Variants in INTS6 observed in about 807,000 individuals in gnomAD.
INTS6 encodes DEAD box protein.
A neutral mutation model predicts 104.9 loss-of-function variants in INTS6; 16 were observed. The observed-to-expected ratio is 0.15, with a 90% confidence interval of 0.10 to 0.23. INTS6 has a LOEUF of 0.23. INTS6 is among the 10% of genes least tolerant of loss of function. INTS6 has a pLI of 1.00. For missense variants in INTS6, 584 were observed against 1,062.8 expected, an observed-to-expected ratio of 0.55 and a Z score of 6.26; for synonymous variants, 324 against 358.7, an observed-to-expected ratio of 0.90 and a Z score of 1.09.
intron 4 of INTS6, chr13:51,422,876 C>A: frequency 3.1e-6 from 1 of 324,564 alleles, no homozygotes; most frequent in Non-Finnish European, 5.8e-6. Context: ...AGTCTTCATG[C>A]TTTTGCATAC....
chr13:51,374,629 A>G (rs1955880586), intron 14 of INTS6, 25 bp downstream of exon 14: 3 of 1,610,694 alleles, frequency 1.9e-6, no homozygotes, highest in Admixed American at 1.7e-5. Flanking sequence ...TAAACAAATT[A>G]CATAATAGAA....
Position 51,364,143 on chromosome 13 carries a change from T to G in INTS6, c.*1609A>C. Reference sequence around the variant, plus strand: ...CAATTCCATCTATTAAATGTTATCTTGCATTACTTAAAAGTATTTGTATAG... The same window carrying G: ...CAATTCCATCTATTAAATGTTATCTGGCATTACTTAAAAGTATTTGTATAG... On this transcript the variant is annotated 3_prime_UTR_variant, in exon 18 of 18. Coordinates refer to ENST00000311234, the MANE Select transcript of INTS6 (RefSeq NM_012141.3). The G allele has an allele frequency of 1.9e-6, 1 of 540,406 alleles. No individual in the cohort carries two copies. The highest frequency in any genetic ancestry group is 4.8e-4 in the Middle Eastern group (1 of 2,100). 33.5% of individuals were successfully genotyped at this position (540,406 alleles called of 1,614,324 possible).
At chr13:51,446,582 A>G (rs749009304) in intron 3 of INTS6, 9 of 152,202 alleles carry the variant, frequency 5.9e-5, no homozygotes, top group Non-Finnish European at 1.3e-4. Context: ...TGGAAGCAGG[A>G]TCTCAAAAAG....
In INTS6 at chr13:51,374,345, C is replaced by G; in HGVS notation, c.1967G>C (p.Arg656Thr). 1 of 1,614,094 alleles carries G rather than the reference C, an allele frequency of 6.2e-7. No individual in the cohort carries two copies. The highest frequency in any genetic ancestry group is 8.5e-7 in the Non-Finnish European group (1 of 1,179,982). ...GEPNMQGIPK[R>T]RRCMSPLLRG... ...TAGTAGTGGAGACATACACCGACGT[C>G]TTTTAGGGATCCCTTGCATATTTGG... The change falls in exon 15 of 18, where the codon AGA becomes ACA. Residue 656 changes from arginine to threonine, a missense_variant. Coordinates refer to ENST00000311234, the MANE Select transcript of INTS6 (RefSeq NM_012141.3).
chr13:51,373,096 A>G (rs1955844928), intron 15 of INTS6, among the ~76,000 whole-genome samples: 1 of 152,020 alleles, frequency 6.6e-6, no homozygotes, highest in African/African-American at 2.4e-5. Context: ...TGTCCTGTAG[A>G]GTTTTCTACA....
chr13:51,438,623 G>C (rs1012852166), intron 3 of INTS6: 1 of 152,126 alleles, frequency 6.6e-6, no homozygotes, highest in Non-Finnish European at 1.5e-5. Flanking sequence ...TTAAAATAAA[G>C]ACCTTCTATT....
At chr13:51,423,327 GGTGT>G (rs149373052) in intron 4 of INTS6, among the ~76,000 whole-genome samples, 7 of 150,712 alleles carry the variant, frequency 4.6e-5, no homozygotes, top group African/African-American at 1.7e-4. Flanking sequence ...TAAGGTAGGG[GGTGT>G]GTGTGTGTGT....
At chr13:51,398,134 T>G (rs1329365128) in intron 4 of INTS6, among the ~76,000 whole-genome samples, 1 of 151,944 alleles carries the variant, frequency 6.6e-6, no homozygotes, top group Non-Finnish European at 1.5e-5. Context: ...AATGAATTAG[T>G]AAAATAAGGA....
Position 51,452,050 on chromosome 13 carries a change from A to C in INTS6, c.117T>G (p.Arg39=), listed in dbSNP as rs773456378. 4.3e-6 allele frequency: 7 copies of C among 1,609,292 alleles called. 1 individual carries two copies. In the South Asian group the frequency reaches 6.6e-5, roughly 15 times the overall value. Residue 39 remains arginine (R), a synonymous_variant, in exon 2 of 18, where the codon CGT becomes CGG. Transcript: ENST00000311234. The surrounding 1 kb of genome is among the most constrained non-coding windows in gnomAD (Gnocchi z 4.2). ...CTCCTCTGCTGGCAGGGTCCCGGGC[A>C]CGGAGCTGCGGGACGGGAGGAGGAA... The part of the protein sequence containing the change: ...KGAVETFMKL[R]ARDPASRGDR...
At chr13:51,396,348 T>C (rs1433213429) in intron 4 of INTS6, among the ~76,000 whole-genome samples, 1 of 152,182 alleles carries the variant, frequency 6.6e-6, no homozygotes, top group African/African-American at 2.4e-5. Flanking sequence ...TAGAGAGGTT[T>C]GGGGGTTTTT....
intron 15 of INTS6, among the ~76,000 whole-genome samples, chr13:51,371,950 G>A (rs777292273): frequency 6.6e-6 from 1 of 152,020 alleles, no homozygotes; most frequent in South Asian, 2.1e-4. Flanking sequence ...TCCCTCTTGC[G>A]TTCTCAGTAA....
chr13:51,401,165 C>T (rs957268439), intron 4 of INTS6, among the ~76,000 whole-genome samples: 1 of 151,728 alleles, frequency 6.6e-6, no homozygotes, highest in Non-Finnish European at 1.5e-5. Context: ...TTGTAAGGAC[C>T]CCTAACAAAG....
rs1956584615 is a variant in INTS6 at position 51,407,122 on chromosome 13, G to A, written c.430-11639C>T. Among the ~76,000 whole-genome samples the A allele has an allele frequency of 2.7e-5, 4 of 150,898 alleles. No homozygotes were observed. The South Asian group carries it at 8.3e-4, about 31-fold the overall frequency. ...TTGTACATGCTAGTCCCTCTGTCTG[G>A]TACAATCCTCTTTTCTATTTTTTGA... is the stretch of plus-strand genomic sequence containing the variant. On this transcript the variant is annotated intron_variant, in intron 4 of 17. Transcript: ENST00000311234.
chr13:51,412,474 A>T (rs1339672046), intron 4 of INTS6, among the ~76,000 whole-genome samples: 1 of 152,166 alleles, frequency 6.6e-6, no homozygotes, highest in Non-Finnish European at 1.5e-5. Context: ...TTCCCTAAAG[A>T]TCCAGGTGAG....
chr13:51,428,519 G>A (rs1957026180), intron 4 of INTS6, among the ~76,000 whole-genome samples: 1 of 151,482 alleles, frequency 6.6e-6, no homozygotes, highest in Admixed American at 6.6e-5. Context: ...TAGAGACAGG[G>A]TTTCACCATG....
At chr13:51,440,593 G>T (rs1952778356) in intron 3 of INTS6, 1 of 151,970 alleles carries the variant, frequency 6.6e-6, no homozygotes, top group African/African-American at 2.4e-5. Flanking sequence ...GCCCTATCTA[G>T]GTATACCATT....
downstream of INTS6, among the ~76,000 whole-genome samples, chr13:51,351,475 T>C (rs965439623): frequency 1.3e-5 from 2 of 152,158 alleles, no homozygotes; most frequent in Non-Finnish European, 2.9e-5. Context: ...GTTTTTCCCA[T>C]ATTTAAATTG....
At chr13:51,414,831 T>TACACACACAC (rs1349738238) in intron 4 of INTS6, among the ~76,000 whole-genome samples, 3 of 102,754 alleles carry the variant, frequency 2.9e-5, no homozygotes, top group African/African-American at 1.4e-4. Flanking sequence ...GTAGTTCTTC[T>TACACACACAC]ATACACACAC....
downstream of INTS6, among the ~76,000 whole-genome samples, chr13:51,352,415 T>C (rs1440796152): frequency 1.3e-5 from 2 of 152,102 alleles, no homozygotes. Context: ...CAATTGATTT[T>C]TGTATCTTAA....
Sources: allele counts gnomAD v4.1 joint callset (sites outside exome capture counted in the v4.1 genomes callset), GRCh38; gene constraint gnomAD v4.1.1; non-coding constraint Gnocchi (gnomAD v3.1); transcripts MANE v1.5; gene names NCBI Gene and HGNC (gene_info 2026-07-23, HGNC 2026-07-21).